IGSF9B: variants seen among roughly 807,000 people sequenced by gnomAD.
IGSF9B encodes protein turtle homolog B.
Under a neutral mutation model 143.7 loss-of-function variants are expected in IGSF9B, and 48 were observed. The observed-to-expected ratio is 0.33, with a 90% confidence interval of 0.26 to 0.42. The LOEUF (loss-of-function observed/expected upper bound fraction) is 0.42. IGSF9B is among the 20% of genes least tolerant of loss of function. The pLI is 1.00. For missense variants in IGSF9B, 1,706 were observed against 1,980.0 expected, an observed-to-expected ratio of 0.86 and a Z score of 2.63; for synonymous variants, 903 against 833.1, an observed-to-expected ratio of 1.08 and a Z score of -1.44.
chr11:133,933,458 G>C (rs1179725712), intron 7 of IGSF9B, among the ~76,000 whole-genome samples: 1 of 152,212 alleles, frequency 6.6e-6, no homozygotes, highest in Admixed American at 6.5e-5. Flanking sequence ...CTGAAATGCT[G>C]AATCAGGCCA....
rs1264845166 is a variant in IGSF9B, at chr11:133,911,891, C to T, written c.4100G>A (p.Arg1367Gln). The T allele has an allele frequency of 6.5e-6, 10 of 1,528,126 alleles. No homozygotes were observed. Among genetic ancestry groups the T allele is most frequent in the East Asian group, 2.4e-5 (1 of 40,822 alleles). 94.7% of individuals were successfully genotyped at this position (1,528,126 alleles called of 1,614,324 possible). The change falls in exon 19 of 20, where the codon CGA becomes CAA. Residue 1367 changes from arginine to glutamine, a missense_variant. Coordinates refer to ENST00000533871, the MANE Select transcript of IGSF9B (RefSeq NM_001277285.4). ...GGCCACTGCCCATCATTTACCGGATCGTTTCTTTGACTTCGAAGAGCCCTT... is the reference window on the plus strand; with the variant it reads ...GGCCACTGCCCATCATTTACCGGATTGTTTCTTTGACTTCGAAGAGCCCTT... ...SSKGSSKSKK[R>Q]SDDSASQTQQ...
At chr11:133,937,279 C>T in intron 5 of IGSF9B, 97 bp downstream of exon 5, 1 of 853,104 alleles carries the variant, frequency 1.2e-6, no homozygotes. Context: ...CTCCACTAGC[C>T]CCAGCTGAGC....
intron 18 of IGSF9B, among the ~76,000 whole-genome samples, chr11:133,918,485 G>A (rs893881160): frequency 6.6e-6 from 1 of 152,140 alleles, no homozygotes; most frequent in South Asian, 2.1e-4. Flanking sequence ...AGCTGAGCGC[G>A]CACAAAGCAC....
intron 3 of IGSF9B, among the ~76,000 whole-genome samples, chr11:133,940,738 A>G (rs1277506802): frequency 6.6e-6 from 1 of 150,694 alleles, no homozygotes; most frequent in African/African-American, 2.4e-5. Flanking sequence ...TCACATACAG[A>G]AACATACACC....
At chr11:133,937,238 G>A (rs1939841001) in intron 5 of IGSF9B, 138 bp downstream of exon 5, 3 of 621,638 alleles carry the variant, frequency 4.8e-6, no homozygotes, top group African/African-American at 1.8e-5. Context: ...GCACACAGGA[G>A]CCCCGCACAG....
chr11:133,937,993 G>A (rs75132780), intron 3 of IGSF9B, 32 bp from the exon 4 acceptor site: 39 of 1,607,390 alleles, frequency 2.4e-5, no homozygotes, highest in East Asian at 2.2e-4. Context: ...TGAAGGACAC[G>A]CCATCAGCCA....
At chr11:133,933,270 C>G (rs935007846) in intron 7 of IGSF9B, among the ~76,000 whole-genome samples, 1 of 152,218 alleles carries the variant, frequency 6.6e-6, no homozygotes, top group Admixed American at 6.5e-5. Context: ...TTTGCCCACA[C>G]CCTTCCCCAA....
rs747626346 is a variant in IGSF9B at position 133,928,481 on chromosome 11, G to C, written c.1631+1190C>G. On this transcript the variant is annotated intron_variant, in intron 12 of 19. Transcript: ENST00000533871. The surrounding 1 kb of genome is among the most constrained non-coding windows in gnomAD (Gnocchi z 4.7). ...CTCGCTGCTGAGAAGTGGATAAAGGGGTCTCCCTGAACCCCCTGAGCTGCC... is the reference window on the plus strand; with the variant it reads ...CTCGCTGCTGAGAAGTGGATAAAGGCGTCTCCCTGAACCCCCTGAGCTGCC... Among the ~76,000 whole-genome samples, 1 of 152,104 alleles carries C rather than the reference G, an allele frequency of 6.6e-6. No homozygotes were observed. The highest frequency in any genetic ancestry group is 2.1e-4 in the South Asian group (1 of 4,820).
chr11:133,950,125 G>C (rs530423253), intron 1 of IGSF9B, among the ~76,000 whole-genome samples: 40 of 152,302 alleles, frequency 2.6e-4, no homozygotes, highest in African/African-American at 7.7e-4. Flanking sequence ...CAGGGCTGCC[G>C]TTGGACCCCT....
intron 18 of IGSF9B, among the ~76,000 whole-genome samples, chr11:133,915,112 T>C (rs2121275589): frequency 6.6e-6 from 1 of 152,246 alleles, no homozygotes; most frequent in South Asian, 2.1e-4. Context: ...CCTACACTGT[T>C]CTAAAGCATG....
chr11:133,955,385 A>C (rs1591729891), intron 1 of IGSF9B, among the ~76,000 whole-genome samples: 1 of 151,374 alleles, frequency 6.6e-6, no homozygotes, highest in Non-Finnish European at 1.5e-5. Context: ...AGACACCACC[A>C]CCCCCCTCAG....
rs758734241 is a variant in IGSF9B at position 133,931,820 on chromosome 11, G to A, written c.1111-25C>T. 3 of 1,609,130 alleles carry A rather than the reference G, an allele frequency of 1.9e-6. No individual in the cohort carries two copies. In the East Asian group the frequency reaches 6.7e-5, roughly 36 times the overall value. On this transcript the variant is annotated intron_variant, in intron 8 of 19. Coordinates refer to ENST00000533871, the MANE Select transcript of IGSF9B (RefSeq NM_001277285.4). The surrounding 1 kb of genome is among the most constrained non-coding windows in gnomAD (Gnocchi z 7.7). ...TCTGCCAGACACAGACGATAGGGCA[G>A]GGAACGCTGGTCAGAGACTCCGCGC... is the stretch of plus-strand genomic sequence containing the variant.
At chr11:133,927,165 A>G in intron 12 of IGSF9B, 74 bp from the exon 13 acceptor site, 1 of 1,228,946 alleles carries the variant, frequency 8.1e-7, no homozygotes, top group Non-Finnish European at 1.1e-6. Flanking sequence ...GGGTGCATGC[A>G]GGGTGCTCAG....
At chr11:133,952,707 ACAGGGGCACATATATGCACACATG>A (rs544470688) in intron 1 of IGSF9B, among the ~76,000 whole-genome samples, 190 of 152,230 alleles carry the variant, frequency 1.2e-3, no homozygotes, top group African/African-American at 4.4e-3. Context: ...ATGCATACAC[ACAGGGGCACATATATGCACACATG>A]CAGGGGCACA....
rs1939163394 is a variant in IGSF9B at position 133,902,983 on chromosome 11, G to A, written c.*6086C>T. On this transcript the variant is annotated 3_prime_UTR_variant, in exon 20 of 20. Transcript: ENST00000533871. ...CGTGCATGCCCGCAGCATTTCTAAG[G>A]CCGAAAATGCAAGTCACCTCCCCAG... Among the ~76,000 whole-genome samples, 1 of 151,990 alleles carries A rather than the reference G, an allele frequency of 6.6e-6. No homozygotes were observed. Among genetic ancestry groups the A allele is most frequent in the Admixed American group, 6.6e-5 (1 of 15,262 alleles).
chr11:133,926,782 G>A (rs974257077), intron 13 of IGSF9B, 134 bp downstream of exon 13: 3 of 685,700 alleles, frequency 4.4e-6, no homozygotes, highest in African/African-American at 3.6e-5. Flanking sequence ...CTCACGGGGA[G>A]ATCAGATGGC....
chr11:133,933,016 G>A (rs1177092564), intron 7 of IGSF9B, among the ~76,000 whole-genome samples: 2 of 151,754 alleles, frequency 1.3e-5, no homozygotes, highest in African/African-American at 2.4e-5. Context: ...GGGAAGCCAG[G>A]TGGGAGAGCA....
Position 133,907,731 on chromosome 11 carries a change from C to T in IGSF9B, c.*1338G>A, listed in dbSNP as rs1591705619. Among the ~76,000 whole-genome samples, 1 of 152,210 alleles carries T rather than the reference C, an allele frequency of 6.6e-6. No individual in the cohort carries two copies. Among genetic ancestry groups the T allele is most frequent in the Non-Finnish European group, 1.5e-5 (1 of 68,038 alleles). On this transcript the variant is annotated 3_prime_UTR_variant, in exon 20 of 20. Transcript: ENST00000533871. The stretch of plus-strand genomic sequence containing the variant: ...CAGACCCTACTCACCACCCCTCCCG[C>T]CTTCATTCCTACGCCTCAGCCACAG...
chr11:133,927,130 G>C (rs921829842), intron 12 of IGSF9B, 39 bp from the exon 13 acceptor site: 7 of 1,499,556 alleles, frequency 4.7e-6, no homozygotes, highest in Middle Eastern at 1.8e-4. Context: ...GACGAGGGGC[G>C]GGGTGGGTCA....
Sources: allele counts gnomAD v4.1 joint callset (sites outside exome capture counted in the v4.1 genomes callset), GRCh38; gene constraint gnomAD v4.1.1; non-coding constraint Gnocchi (gnomAD v3.1); transcripts MANE v1.5; gene names NCBI Gene and HGNC (gene_info 2026-07-23, HGNC 2026-07-21).